AHRR: variants seen among roughly 807,000 people sequenced by gnomAD.
AHRR encodes the protein aryl hydrocarbon receptor repressor.
A neutral mutation model predicts 44.0 loss-of-function variants in AHRR; 28 were observed. The ratio of observed to expected loss-of-function variants is 0.64; its 90% CI spans 0.47 to 0.87. The LOEUF (loss-of-function observed/expected upper bound fraction) is 0.87, where lower values mean the gene tolerates loss of function less well. Ranked by LOEUF, AHRR falls within the 40% of genes least tolerant of loss-of-function variation. The probability of loss-of-function intolerance (pLI) is 0.00; values close to 1 mark genes in which losing one functional copy is unlikely to be tolerated. For synonymous variants in AHRR, 434 were observed against 407.0 expected (o/e 1.07, Z -0.80); for missense variants, 990 against 953.9 (o/e 1.04, Z -0.50).
intron 1 of AHRR, among the ~76,000 whole-genome samples, chr5:333,108 A>G (rs1208006875): frequency 6.6e-6 from 1 of 151,506 alleles, no homozygotes; most frequent in Non-Finnish European, 1.5e-5. Flanking sequence ...GGATCTCGCT[A>G]TGTTGCCTAG....
chr5:386,460 T>C (rs1019688962), intron 4 of AHRR, among the ~76,000 whole-genome samples: 1 of 152,240 alleles, frequency 6.6e-6, no homozygotes, highest in Non-Finnish European at 1.5e-5. Context: ...GTAGAGAATC[T>C]TTCTCACTGG....
At chr5:375,360 G>A (rs1293363508) in intron 3 of AHRR, among the ~76,000 whole-genome samples, 1 of 152,202 alleles carries the variant, frequency 6.6e-6, no homozygotes, top group Non-Finnish European at 1.5e-5. Flanking sequence ...GAGCAGTGGG[G>A]TGGAGGCAGC....
At chr5:373,226 G>A (rs1428886545) in intron 3 of AHRR, among the ~76,000 whole-genome samples, 5 of 152,228 alleles carry the variant, frequency 3.3e-5, no homozygotes, top group Non-Finnish European at 7.4e-5. Flanking sequence ...CTCTGAGAGG[G>A]CAGCCCTGCC....
chr5:416,712 C>T (rs1325322442), intron 5 of AHRR, among the ~76,000 whole-genome samples: 3 of 152,142 alleles, frequency 2.0e-5, no homozygotes, highest in South Asian at 2.1e-4. Flanking sequence ...CCGTTGGGTC[C>T]GTAGGCGTTT....
intron 2 of AHRR, 91 bp downstream of exon 2, chr5:344,055 G>C: frequency 1.5e-6 from 2 of 1,377,714 alleles, no homozygotes. Flanking sequence ...TTTAGGAACA[G>C]GGCGAGCGAG....
rs561739845 is a variant in AHRR at position 422,836 on chromosome 5, G to C, written c.549G>C (p.Gly183=). The C allele has an allele frequency of 1.7e-5, 27 of 1,613,654 alleles. No individual in the cohort carries two copies. Among genetic ancestry groups the C allele is most frequent in the Non-Finnish European group, 2.2e-5 (26 of 1,179,700 alleles). Residue 183 remains glycine (G), a synonymous_variant, in exon 6 of 11, where the codon GGG becomes GGC. Coordinates refer to ENST00000684583, the MANE Select transcript of AHRR (RefSeq NM_001377236.1). The part of the protein sequence containing the change: ...WAMDPPQVVF[G]QPPPLETGDD... ...TGGACCCTCCCCAGGTGGTGTTTGG[G>C]CAGCCCCCGCCCTTGGAGACAGGTG...
At chr5:433,053 A>C in intron 10 of AHRR, 106 bp downstream of exon 10, 1 of 1,346,842 alleles carries the variant, frequency 7.4e-7, no homozygotes, top group Non-Finnish European at 9.9e-7. Context: ...AAAAAAGACG[A>C]CAGCAGCCTT....
rs1385055687 is a variant in AHRR at position 343,941 on chromosome 5, G to C, written c.39G>C (p.Lys13Asn). ...GGGAGTGCACGTACGCGGGCCGGAA[G>C]CGGAGGAGGCCCCTGCAGAAACAGT... is the stretch of plus-strand genomic sequence containing the variant. ...PPGECTYAGR[K>N]RRRPLQKQRP... The change falls in exon 2 of 11, where the codon AAG (lysine) becomes AAC (asparagine). Residue 13 changes from lysine to asparagine, a missense_variant. Transcript: ENST00000684583. 1.9e-6 allele frequency: 3 copies of C among 1,600,666 alleles called. No homozygotes were observed. Among genetic ancestry groups the C allele is most frequent in the Non-Finnish European group, 2.6e-6 (3 of 1,174,200 alleles).
In AHRR at chr5:428,149, A is replaced by G. The variant is rs1736555488; in HGVS notation, c.908+143A>G. ...TTTCGTGTCGTAAAAGTCATTACAC[A>G]ACATAGGCAGCAGCGATTAGATGAA... On this transcript the variant is annotated intron_variant, in intron 8 of 10. Transcript: ENST00000684583. 7.2e-6 allele frequency: 7 copies of G among 968,312 alleles called. No individual in the cohort carries two copies. In the Admixed American group the frequency reaches 1.1e-4, roughly 15 times the overall value. 60.0% of individuals were successfully genotyped at this position (968,312 alleles called of 1,614,324 possible).
At chr5:421,529 C>T (rs991215184) in intron 5 of AHRR, among the ~76,000 whole-genome samples, 1 of 152,226 alleles carries the variant, frequency 6.6e-6, no homozygotes, top group African/African-American at 2.4e-5. Context: ...CGTGATTGGG[C>T]GCATTTTGGC....
Position 412,074 on chromosome 5 carries a change from C to T in AHRR, c.352-1270C>T, listed in dbSNP as rs144645498. Reference sequence around the variant, plus strand: ...GGCTCGCTGCTCAAATAAAGGAAAACGCCACATCAAGCACAACACAGCCAC... The same window carrying T: ...GGCTCGCTGCTCAAATAAAGGAAAATGCCACATCAAGCACAACACAGCCAC... On this transcript the variant is annotated intron_variant, in intron 4 of 10. Transcript: ENST00000684583. 3.7e-3 allele frequency among the ~76,000 whole-genome samples: 566 copies of T among 152,322 alleles called. 2 individuals are homozygous for T. Among genetic ancestry groups the T allele is most frequent in the Non-Finnish European group, 5.1e-3 (347 of 68,032 alleles).
At chr5:340,688 ATT>A (rs539789608) in intron 1 of AHRR, among the ~76,000 whole-genome samples, 305 of 12,844 alleles carry the variant, frequency 0.024, 2 homozygotes, top group Middle Eastern at 0.083. Context: ...ATATATATAT[ATT>A]TTTTTTTTTT....
At position 368,872 on chromosome 5, in the gene AHRR, T is replaced by A. The variant is rs142797795; in HGVS notation, c.245-7738T>A. ...CGGTTCATTTTGCACTGTGAGGAAG[T>A]GTGAAATCTCTGAAGCTCTCTGGTG... On this transcript the variant is annotated intron_variant, in intron 3 of 10. Coordinates refer to ENST00000684583, the MANE Select transcript of AHRR (RefSeq NM_001377236.1). Among the ~76,000 whole-genome samples, 50 of 152,348 alleles carry A rather than the reference T, an allele frequency of 3.3e-4. No homozygotes were observed. The East Asian group carries it at 9.1e-3, about 28-fold the overall frequency.
intron 3 of AHRR, among the ~76,000 whole-genome samples, chr5:361,783 C>G (rs1048131671): frequency 1.3e-5 from 2 of 152,214 alleles, no homozygotes; most frequent in Non-Finnish European, 2.9e-5. Context: ...TCTGGTCTCA[C>G]AGGTTCTTGG....
intron 8 of AHRR, among the ~76,000 whole-genome samples, 187 bp downstream of exon 8, chr5:428,193 G>A (rs1039527012): frequency 1.3e-5 from 2 of 152,196 alleles, no homozygotes; most frequent in African/African-American, 2.4e-5. Context: ...TTTCAAACTC[G>A]TATTTGCAAA....
chr5:417,086 G>A (rs1329574331), intron 5 of AHRR, among the ~76,000 whole-genome samples: 12 of 150,668 alleles, frequency 8.0e-5, no homozygotes, highest in African/African-American at 2.7e-4. Flanking sequence ...AGAGAAGGCC[G>A]CTTGGTCCGT....
At chr5:393,043 C>A (rs1478919393) in intron 4 of AHRR, among the ~76,000 whole-genome samples, 4 of 152,198 alleles carry the variant, frequency 2.6e-5, no homozygotes, top group Non-Finnish European at 5.9e-5. Context: ...CCATTCACTG[C>A]ACATCCTTTG....
At position 374,134 on chromosome 5, in the gene AHRR, G is replaced by T. The variant is rs576652283; in HGVS notation, c.245-2476G>T. Among the ~76,000 whole-genome samples the T allele has an allele frequency of 3.9e-5, 6 of 152,152 alleles. No individual in the cohort carries two copies. The East Asian group carries it at 1.2e-3, about 30-fold the overall frequency. Reference sequence around the variant, plus strand: ...CCGGCCGCCTGGGTGGTCGGTCTGTGTGCGGGTGACCCAGGCGTGTGCCCC... The same window carrying T: ...CCGGCCGCCTGGGTGGTCGGTCTGTTTGCGGGTGACCCAGGCGTGTGCCCC... On this transcript the variant is annotated intron_variant, in intron 3 of 10. Transcript: ENST00000684583.
intron 1 of AHRR, among the ~76,000 whole-genome samples, chr5:339,953 A>G (rs1334458197): frequency 2.6e-5 from 4 of 152,120 alleles, no homozygotes; most frequent in African/African-American, 9.7e-5. Context: ...GCCAATACCT[A>G]TATTTAAGTG....
Sources: gnomAD v4.1 joint callset for allele counts (sites outside exome capture counted in the v4.1 genomes callset) on GRCh38, gnomAD v4.1.1 for gene constraint, MANE v1.5 for transcripts, NCBI Gene and HGNC (gene_info 2026-07-23, HGNC 2026-07-21) for gene names.